The following ELF1 variants were observed in gnomAD, a reference collection of about 807,000 sequenced individuals.
ELF1 encodes the protein ETS-related transcription factor Elf-1.
ELF1 carries 24 observed loss-of-function variants against 59.9 expected under a neutral mutation model. The ratio of observed to expected loss-of-function variants is 0.40; its 90% CI spans 0.29 to 0.56. The LOEUF (loss-of-function observed/expected upper bound fraction) is 0.56, where lower values mean the gene tolerates loss of function less well. Among genes scored for constraint, ELF1 ranks in the 20% least tolerant of loss-of-function variants. The probability of loss-of-function intolerance (pLI) is 0.44; values close to 1 mark genes in which losing one functional copy is unlikely to be tolerated. For missense variants in ELF1, 627 were observed against 742.2 expected (o/e 0.84, Z 1.80); for synonymous variants, 248 against 266.2 (o/e 0.93, Z 0.67).
At chr13:40,960,172 T>G (rs763176394) in intron 2 of ELF1, among the ~76,000 whole-genome samples, 2 of 152,200 alleles carry the variant, frequency 1.3e-5, no homozygotes, top group Admixed American at 6.5e-5. Context: ...GACAGCATAA[T>G]TATCAAAACT....
At chr13:40,987,240 A>G (rs1296963794) in intron 1 of ELF1, among the ~76,000 whole-genome samples, 1 of 149,070 alleles carries the variant, frequency 6.7e-6, no homozygotes, top group Non-Finnish European at 1.5e-5. Flanking sequence ...CCGGCCGAAA[A>G]TCACTGCTCT....
rs191220821 is a variant in ELF1 at position 41,025,751 on chromosome 13, T to G, written c.-229+35087A>C. ...TGATAAATAAACCCTATTCGGCCTGTGCAGAAGACAGATGAATCTAGGAGA... is the reference window on the plus strand; with the variant it reads ...TGATAAATAAACCCTATTCGGCCTGGGCAGAAGACAGATGAATCTAGGAGA... On this transcript the variant is annotated intron_variant, in intron 1 of 1. Transcript: ENST00000405737. 4.6e-5 allele frequency among the ~76,000 whole-genome samples: 7 copies of G among 152,326 alleles called. No individual in the cohort carries two copies. The East Asian group carries it at 1.3e-3, about 29-fold the overall frequency.
chr13:40,989,150 C>G (rs56245500), intron 1 of ELF1, among the ~76,000 whole-genome samples: 2 of 151,878 alleles, frequency 1.3e-5, no homozygotes, highest in African/African-American at 4.8e-5. Context: ...TTAAAATATG[C>G]GAATATGGAA....
intron 1 of ELF1, among the ~76,000 whole-genome samples, chr13:41,045,242 A>T (rs2138426170): frequency 6.6e-6 from 1 of 150,868 alleles, no homozygotes; most frequent in South Asian, 2.1e-4. Context: ...AAAAAAAAAA[A>T]CAGCTCATGG....
At chr13:41,057,345 G>C (rs1350554046) in intron 1 of ELF1, among the ~76,000 whole-genome samples, 1 of 151,236 alleles carries the variant, frequency 6.6e-6, no homozygotes, top group Non-Finnish European at 1.5e-5. Context: ...TTTTATTTTT[G>C]TAGAGACAGG....
chr13:40,949,158 A>T (rs1037831449), intron 5 of ELF1, among the ~76,000 whole-genome samples: 1 of 151,752 alleles, frequency 6.6e-6, no homozygotes, highest in Non-Finnish European at 1.5e-5. Context: ...GCTAATTTTC[A>T]TATTTTTAGT....
chr13:40,959,428 G>C (rs112507678), intron 2 of ELF1, among the ~76,000 whole-genome samples: 63 of 152,144 alleles, frequency 4.1e-4, no homozygotes, highest in African/African-American at 1.5e-3. Flanking sequence ...CCTGGGAGGC[G>C]GAGGTTGCAG....
rs1260706751 is a variant in ELF1, at chr13:40,933,158, A to G, written c.*267T>C. ...TAGAAAAGAAACTTTAAAAATGCTT[A>G]TGATATAGCAACTGAAATAAAAATC... is the stretch of plus-strand genomic sequence containing the variant. On this transcript the variant is annotated 3_prime_UTR_variant, in exon 9 of 9. Transcript: ENST00000239882. 2.7e-6 allele frequency: 1 copy of G among 369,256 alleles called. No homozygotes were observed. The highest frequency in any genetic ancestry group is 4.2e-5 in the Admixed American group (1 of 23,588). 22.9% of individuals were successfully genotyped at this position (369,256 alleles called of 1,614,324 possible). A position where few individuals can be genotyped will look rare whatever the true frequency, so the allele number is the denominator to read the frequency against.
At chr13:41,060,933 GC>G (rs1877568075) in exon 1 of ELF1, 1 of 372,722 alleles carries the variant, frequency 2.7e-6, no homozygotes, top group Non-Finnish European at 5.4e-6. Context: ...CGCCGCCGCC[GC>G]CGCCGCCGCC....
intron 2 of ELF1, among the ~76,000 whole-genome samples, chr13:40,979,548 C>T (rs929197179): frequency 2.0e-5 from 3 of 152,134 alleles, no homozygotes; most frequent in Admixed American, 2.0e-4. Context: ...CAATATTGTA[C>T]ATCATAGCAA....
intron 2 of ELF1, among the ~76,000 whole-genome samples, chr13:40,975,422 A>G (rs1008028855): frequency 6.6e-6 from 1 of 152,182 alleles, no homozygotes; most frequent in African/African-American, 2.4e-5. Context: ...AACAGAGTAG[A>G]GGGAAAAACA....
chr13:40,967,620 T>C (rs1872262308), intron 2 of ELF1, among the ~76,000 whole-genome samples: 1 of 152,154 alleles, frequency 6.6e-6, no homozygotes, highest in Non-Finnish European at 1.5e-5. Context: ...TGAGACAGGG[T>C]CTTGCTCTGT....
At chr13:41,056,178 C>A (rs2138440831) in intron 1 of ELF1, among the ~76,000 whole-genome samples, 1 of 152,294 alleles carries the variant, frequency 6.6e-6, no homozygotes, top group South Asian at 2.1e-4. Context: ...ACCTCCCTAT[C>A]CCCTCTAATC....
chr13:41,032,484 C>T (rs990304689), intron 1 of ELF1, among the ~76,000 whole-genome samples: 3 of 152,152 alleles, frequency 2.0e-5, no homozygotes, highest in African/African-American at 7.2e-5. Context: ...TCCCAAAGTG[C>T]TGGGATTACA....
intron 1 of ELF1, among the ~76,000 whole-genome samples, chr13:41,037,810 A>AAAAAAG (rs1876447313): frequency 6.6e-6 from 1 of 152,088 alleles, no homozygotes; most frequent in African/African-American, 2.4e-5. Context: ...AAAAAAAGAA[A>AAAAAAG]AAAAAGAAAA....
In ELF1 at chr13:40,942,953, T is replaced by G; in HGVS notation, c.805A>C (p.Arg269=). The G allele has an allele frequency of 6.3e-7, 1 of 1,575,790 alleles. No homozygotes were observed. The highest frequency in any genetic ancestry group is 8.6e-7 in the Non-Finnish European group (1 of 1,159,506). Residue 269 remains arginine, a splice_region_variant and synonymous_variant, in exon 7 of 9, where the codon AGG becomes CGG. Transcript: ENST00000239882. ...MNYETMGRAL[R]YYYQRGILAK... ...ATAAAATACCAAAACTTCGCATACC[T>G]GAGTGCTCTTCCCATGGTCTCATAA... is the stretch of plus-strand genomic sequence containing the variant.
chr13:40,985,982 T>C (rs1487113697), intron 1 of ELF1, among the ~76,000 whole-genome samples: 11 of 149,810 alleles, frequency 7.3e-5, no homozygotes, highest in African/African-American at 2.5e-5. Flanking sequence ...TTTGCACAGT[T>C]TTCAGAGGGC....
chr13:40,944,711 A>G (rs955171888), intron 5 of ELF1, among the ~76,000 whole-genome samples: 1 of 152,208 alleles, frequency 6.6e-6, no homozygotes, highest in African/African-American at 2.4e-5. Context: ...GATCATGATC[A>G]TGCTGTCTGA....
chr13:40,978,064 G>A (rs983323521), intron 2 of ELF1, among the ~76,000 whole-genome samples: 3 of 152,122 alleles, frequency 2.0e-5, no homozygotes, highest in African/African-American at 4.8e-5. Flanking sequence ...GGACTGAGGA[G>A]CCAAACATAT....
Sources: gnomAD v4.1 joint callset for allele counts (sites outside exome capture counted in the v4.1 genomes callset) on GRCh38, gnomAD v4.1.1 for gene constraint, MANE v1.5 for transcripts, NCBI Gene and HGNC (gene_info 2026-07-23, HGNC 2026-07-21) for gene names.